GAS2: variants seen among roughly 807,000 people sequenced by gnomAD.
The protein encoded by GAS2 is growth arrest specific 2, also known as growth arrest-specific protein 2.
GAS2 carries 20 observed loss-of-function variants against 37.5 expected under a neutral mutation model. That is an observed-to-expected ratio of 0.53 (90% CI 0.37 to 0.77). GAS2 has a LOEUF of 0.77. GAS2 is among the 30% of genes least tolerant of loss of function. The pLI is 0.00. For missense variants in GAS2, 336 were observed against 373.4 expected (o/e 0.90, Z 0.82); for synonymous variants, 144 against 132.2 (o/e 1.09, Z -0.61).
intron 2 of GAS2, among the ~76,000 whole-genome samples, chr11:22,679,157 C>A (rs959048885): frequency 3.9e-5 from 6 of 151,986 alleles, no homozygotes; most frequent in African/African-American, 1.4e-4. Flanking sequence ...AGAAAATACT[C>A]TTTGCAGTCC....
intron 1 of GAS2, among the ~76,000 whole-genome samples, chr11:22,652,357 A>G (rs1179306248): frequency 6.6e-6 from 1 of 152,174 alleles, no homozygotes; most frequent in South Asian, 2.1e-4. Context: ...GTCTGCAGAG[A>G]TTACTGCTGT....
intron 5 of GAS2, among the ~76,000 whole-genome samples, chr11:22,745,606 TTAAAC>T (rs1357247271): frequency 6.6e-6 from 1 of 152,076 alleles, no homozygotes; most frequent in African/African-American, 2.4e-5. Context: ...TGGGACCTAA[TTAAAC>T]TAAAGAGCTT....
At chr11:22,731,056 A>AT (rs902953615) in intron 4 of GAS2, among the ~76,000 whole-genome samples, 19 of 151,778 alleles carry the variant, frequency 1.3e-4, no homozygotes, top group African/African-American at 2.9e-4. Flanking sequence ...CTTTTATGTC[A>AT]TTTTTTACTA....
intron 3 of GAS2, among the ~76,000 whole-genome samples, chr11:22,716,895 A>G (rs1430906587): frequency 6.6e-6 from 1 of 152,146 alleles, no homozygotes; most frequent in Non-Finnish European, 1.5e-5. Flanking sequence ...CCCCTTTTAC[A>G]GTAGCTGCAA....
At chr11:22,796,319 A>T (rs1042694457) in intron 7 of GAS2, among the ~76,000 whole-genome samples, 2 of 152,126 alleles carry the variant, frequency 1.3e-5, no homozygotes, top group Non-Finnish European at 2.9e-5. Flanking sequence ...TATAGTTTCC[A>T]GGCATTGTTT....
intron 1 of GAS2, among the ~76,000 whole-genome samples, chr11:22,672,075 AC>A (rs1355090513): frequency 1.3e-5 from 2 of 151,972 alleles, no homozygotes; most frequent in Non-Finnish European, 2.9e-5. Context: ...TATGACAGTG[AC>A]TTTAGGTTTC....
intron 1 of GAS2, among the ~76,000 whole-genome samples, chr11:22,632,012 C>T (rs1590549202): frequency 7.3e-6 from 1 of 136,894 alleles, no homozygotes; most frequent in Non-Finnish European, 1.5e-5. Flanking sequence ...TTATGATTGG[C>T]TTATTCAGGA....
chr11:22,791,122 TAGAC>T (rs1474883291), intron 7 of GAS2, among the ~76,000 whole-genome samples: 2 of 152,130 alleles, frequency 1.3e-5, no homozygotes, highest in African/African-American at 4.8e-5. Context: ...GGGTAATGGA[TAGAC>T]AGAGAAGAAA....
At chr11:22,665,402 A>G (rs1482788834), upstream of GAS2, among the ~76,000 whole-genome samples, 2 of 152,174 alleles carry the variant, frequency 1.3e-5, no homozygotes, top group Non-Finnish European at 2.9e-5. Flanking sequence ...AGGAATACTC[A>G]GATCTGATCA....
At chr11:22,705,826 A>G (rs1025765498) in intron 3 of GAS2, among the ~76,000 whole-genome samples, 4 of 152,216 alleles carry the variant, frequency 2.6e-5, no homozygotes, top group Non-Finnish European at 4.4e-5. Context: ...TATAAATACA[A>G]GAAAGTGTAC....
At chr11:22,702,998 A>G (rs943780880) in intron 3 of GAS2, among the ~76,000 whole-genome samples, 14 of 152,198 alleles carry the variant, frequency 9.2e-5, no homozygotes, top group South Asian at 8.3e-4. Context: ...TAACAGTTGC[A>G]TTAAAGGCAT....
At chr11:22,749,735 G>A (rs916325300) in intron 6 of GAS2, among the ~76,000 whole-genome samples, 2 of 152,156 alleles carry the variant, frequency 1.3e-5, no homozygotes, top group African/African-American at 2.4e-5. Context: ...CATAGAAATT[G>A]AGTAACCTGC....
At chr11:22,811,233 G>T (rs1327580100) in intron 7 of GAS2, among the ~76,000 whole-genome samples, 3 of 152,152 alleles carry the variant, frequency 2.0e-5, no homozygotes, top group African/African-American at 7.2e-5. Context: ...AAAGAATAAA[G>T]AAAAACATAA....
At chr11:22,792,375 A>G (rs2134582955) in intron 7 of GAS2, among the ~76,000 whole-genome samples, 1 of 152,388 alleles carries the variant, frequency 6.6e-6, no homozygotes, top group African/African-American at 2.4e-5. Context: ...AGACCTGTGC[A>G]CACACATATG....
At chr11:22,699,860 G>C (rs1486439465) in intron 3 of GAS2, among the ~76,000 whole-genome samples, 1 of 152,084 alleles carries the variant, frequency 6.6e-6, no homozygotes, top group East Asian at 1.9e-4. Flanking sequence ...ATTTCAGCAA[G>C]AAAGAGCCTG....
chr11:22,636,462 G>C (rs895390192), intron 1 of GAS2, among the ~76,000 whole-genome samples: 1 of 152,124 alleles, frequency 6.6e-6, no homozygotes, highest in Non-Finnish European at 1.5e-5. Context: ...CTCCCACATT[G>C]CATAACAGCC....
chr11:22,690,755 G>A (rs1421693980), intron 3 of GAS2, among the ~76,000 whole-genome samples: 1 of 152,068 alleles, frequency 6.6e-6, no homozygotes, highest in Non-Finnish European at 1.5e-5. Context: ...CTACCCGATC[G>A]GAATTGGCAT....
chr11:22,687,736 A>T (rs889302253), intron 3 of GAS2, among the ~76,000 whole-genome samples: 1 of 152,190 alleles, frequency 6.6e-6, no homozygotes, highest in Non-Finnish European at 1.5e-5. Context: ...CCTCTACATC[A>T]GCTACTGATG....
At chr11:22,703,337 G>A (rs1401041457) in intron 3 of GAS2, among the ~76,000 whole-genome samples, 2 of 152,026 alleles carry the variant, frequency 1.3e-5, no homozygotes, top group Non-Finnish European at 2.9e-5. Flanking sequence ...CACTAATTGC[G>A]GTCAATGCTT....
Sources: gnomAD v4.1 joint callset for allele counts (sites outside exome capture counted in the v4.1 genomes callset) on GRCh38, gnomAD v4.1.1 for gene constraint, MANE v1.5 for transcripts, NCBI Gene and HGNC (gene_info 2026-07-23, HGNC 2026-07-21) for gene names.